The following KANSL1 variants were observed in gnomAD, a reference collection of about 807,000 sequenced individuals.
KANSL1 encodes the protein KAT8 regulatory NSL complex subunit 1, also known as MLL1/MLL complex subunit KANSL1.
A neutral mutation model predicts 103.6 loss-of-function variants in KANSL1; 22 were observed. The observed-to-expected ratio is 0.21, with a 90% confidence interval of 0.15 to 0.30. The LOEUF (loss-of-function observed/expected upper bound fraction) is 0.30. Among genes scored for constraint, KANSL1 ranks in the 10% least tolerant of loss-of-function variants. The probability of loss-of-function intolerance (pLI) is 1.00; values close to 1 mark genes in which losing one functional copy is unlikely to be tolerated. For synonymous variants in KANSL1, 600 were observed against 527.6 expected (o/e 1.14, Z -1.88); for missense variants, 1,337 against 1,399.8 (o/e 0.96, Z 0.72).
chr17:46,172,909 C>G (rs1168489066), intron 1 of KANSL1, among the ~76,000 whole-genome samples: 1 of 152,226 alleles, frequency 6.6e-6, no homozygotes, highest in African/African-American at 2.4e-5. Context: ...GCCTCTCTCT[C>G]ATACTTAATT....
intron 10 of KANSL1, chr17:46,035,200 G>A (rs2077112999): frequency 6.6e-6 from 1 of 152,324 alleles, no homozygotes; most frequent in Admixed American, 6.5e-5. Flanking sequence ...GAGGCCAGAA[G>A]GAAACAGTGG....
At position 46,039,155 on chromosome 17, in the gene KANSL1, C is replaced by T. The variant is rs761904173; in HGVS notation, c.2264G>A (p.Gly755Glu). The T allele has an allele frequency of 1.2e-6, 2 of 1,611,612 alleles. No homozygotes were observed. Among genetic ancestry groups the T allele is most frequent in the African/African-American group, 2.7e-5 (2 of 74,850 alleles). The change falls in exon 9 of 15, where the codon GGG becomes GAG. Residue 755 changes from glycine to glutamate, a missense_variant. Coordinates refer to ENST00000432791, the MANE Select transcript of KANSL1 (RefSeq NM_015443.4). ...RTHRQHLDDV[G>E]AVPMVERVTA... The stretch of plus-strand genomic sequence containing the variant: ...CACTCGCTCCACCATGGGCACGGCC[C>T]CCACATCGTCTAAGTGCTGCCTGTG...
At chr17:46,192,615 A>G (rs961222898) in intron 1 of KANSL1, 1 of 153,094 alleles carries the variant, frequency 6.5e-6, no homozygotes, top group Non-Finnish European at 1.5e-5. Context: ...GGGCCCCCGC[A>G]CACCCCCGCC....
intron 1 of KANSL1, among the ~76,000 whole-genome samples, chr17:46,201,053 A>G (rs1366957043): frequency 1.3e-5 from 2 of 152,104 alleles, no homozygotes; most frequent in Non-Finnish European, 1.5e-5. Context: ...GTGGGACTAC[A>G]GGCGCGTACC....
chr17:46,106,219 T>C (rs1237753111), intron 2 of KANSL1, among the ~76,000 whole-genome samples: 1 of 152,194 alleles, frequency 6.6e-6, no homozygotes, highest in Non-Finnish European at 1.5e-5. Context: ...CTATTATCAT[T>C]GAGCCCCCAG....
chr17:46,089,220 C>T (rs918257605), intron 3 of KANSL1, among the ~76,000 whole-genome samples: 7 of 152,044 alleles, frequency 4.6e-5, no homozygotes, highest in African/African-American at 1.7e-4. Context: ...TAAAAGAGTA[C>T]AACAGCATGC....
intron 6 of KANSL1, among the ~76,000 whole-genome samples, chr17:46,059,853 C>T (rs766905311): frequency 4.6e-5 from 7 of 151,856 alleles, no homozygotes; most frequent in Non-Finnish European, 8.8e-5. Context: ...TAGCTGCCAC[C>T]ACAGCTGGCT....
Position 46,030,849 on chromosome 17 carries a change from G to C in KANSL1, c.*627C>G, listed in dbSNP as rs1482784109. ...TTACTGCAGTGAAAGAGTCAAAACA[G>C]AGAAGACCAAATGCAGATGAAACAA... On this transcript the variant is annotated 3_prime_UTR_variant, in exon 15 of 15. Coordinates refer to ENST00000432791, the MANE Select transcript of KANSL1 (RefSeq NM_015443.4). 1.3e-5 allele frequency: 2 copies of C among 152,730 alleles called. No individual in the cohort carries two copies. The highest frequency in any genetic ancestry group is 3.8e-4 in the East Asian group (2 of 5,206). The allele number at this position is 152,730 out of a possible 1,614,324, so 9.5% of individuals were successfully genotyped here.
intron 1 of KANSL1, among the ~76,000 whole-genome samples, chr17:46,220,718 G>A (rs1167209786): frequency 6.6e-6 from 1 of 152,154 alleles, no homozygotes; most frequent in Non-Finnish European, 1.5e-5. Context: ...ACAGAGTCTC[G>A]CTTGGTCAGC....
intron 1 of KANSL1, among the ~76,000 whole-genome samples, chr17:46,185,287 T>C (rs1373699138): frequency 1.3e-5 from 2 of 152,208 alleles, no homozygotes; most frequent in African/African-American, 4.8e-5. Context: ...TTAATGGGGA[T>C]GTCTGAAGTG....
At chr17:46,174,140 C>T (rs893931029) in intron 1 of KANSL1, among the ~76,000 whole-genome samples, 1 of 152,208 alleles carries the variant, frequency 6.6e-6, no homozygotes. Context: ...CTTGTATCAA[C>T]AATCATGAAC....
intron 6 of KANSL1, among the ~76,000 whole-genome samples, chr17:46,051,909 G>A (rs2077724408): frequency 1.3e-5 from 2 of 152,158 alleles, no homozygotes; most frequent in Admixed American, 6.5e-5. Flanking sequence ...GAGGTGGCAC[G>A]CAAATAAAGT....
upstream of KANSL1, among the ~76,000 whole-genome samples, chr17:46,197,542 C>G (rs2047653789): frequency 6.6e-6 from 1 of 152,222 alleles, no homozygotes; most frequent in Non-Finnish European, 1.5e-5. Flanking sequence ...ACTCGGGAGG[C>G]TGAGGCATGA....
chr17:46,098,927 C>G (rs907751844), intron 2 of KANSL1, among the ~76,000 whole-genome samples: 16 of 152,250 alleles, frequency 1.1e-4, no homozygotes, highest in African/African-American at 3.9e-4. Flanking sequence ...GTACAGTTAA[C>G]AAGTCTGGAT....
At chr17:46,121,106 TCA>T (rs2043259112) in intron 2 of KANSL1, among the ~76,000 whole-genome samples, 1 of 152,024 alleles carries the variant, frequency 6.6e-6, no homozygotes, top group Admixed American at 6.6e-5. Context: ...ACCTTAATTC[TCA>T]CACTTTACCA....
At chr17:46,078,717 C>T (rs1043333174) in intron 4 of KANSL1, among the ~76,000 whole-genome samples, 3 of 152,202 alleles carry the variant, frequency 2.0e-5, no homozygotes, top group African/African-American at 7.2e-5. Context: ...TCCAAGCTTG[C>T]CCTTCTTTGC....
In KANSL1 at chr17:46,039,715, G is replaced by A. The variant is rs145434865; in HGVS notation, c.2190C>T (p.Phe730=). 4.3e-6 allele frequency: 7 copies of A among 1,613,714 alleles called. No individual in the cohort carries two copies. In the African/African-American group the frequency reaches 9.3e-5, roughly 22 times the overall value. ...RKDRHKLVSS[F]LTTAKLSHHQ... ...CCTGACACTTACTGGCTGTTGTTAGGAAGGAGCTGACCAATTTGTGCCTGT... is the reference window on the plus strand; with the variant it reads ...CCTGACACTTACTGGCTGTTGTTAGAAAGGAGCTGACCAATTTGTGCCTGT... The change falls in exon 8 of 15, where the codon TTC becomes TTT. Residue 730 remains phenylalanine (F), a synonymous_variant. Coordinates refer to ENST00000432791, the MANE Select transcript of KANSL1 (RefSeq NM_015443.4).
chr17:46,198,498 G>A (rs989780059), upstream of KANSL1, among the ~76,000 whole-genome samples: 3 of 146,636 alleles, frequency 2.0e-5, no homozygotes, highest in Non-Finnish European at 3.0e-5. Context: ...TTGGGAGACC[G>A]AAGCAAGTGG....
chr17:46,160,523 G>T (rs1302343621), intron 2 of KANSL1, among the ~76,000 whole-genome samples: 1 of 152,032 alleles, frequency 6.6e-6, no homozygotes, highest in Admixed American at 6.5e-5. Flanking sequence ...AGAACTCCTG[G>T]GCTCAAGAGA....
Sources: gnomAD v4.1 joint callset for allele counts (sites outside exome capture counted in the v4.1 genomes callset) on GRCh38, gnomAD v4.1.1 for gene constraint, MANE v1.5 for transcripts, NCBI Gene and HGNC (gene_info 2026-07-23, HGNC 2026-07-21) for gene names.